FGF14: variants seen among roughly 807,000 people sequenced by gnomAD.
FGF14 encodes the protein fibroblast growth factor 14, also known as fibroblast growth factor homologous factor 4.
Under a neutral mutation model 25.5 loss-of-function variants are expected in FGF14, and 5 were observed. The observed-to-expected ratio is 0.20, with a 90% CI of 0.10 to 0.41. The LOEUF is 0.41. Ranked by LOEUF, FGF14 falls within the 10% of genes least tolerant of loss-of-function variation. FGF14 has a pLI of 1.00. For synonymous variants in FGF14, 138 were observed against 118.3 expected, an observed-to-expected ratio of 1.17 and a Z score of -1.08; for missense variants, 222 against 320.1, an observed-to-expected ratio of 0.69 and a Z score of 2.34.
intron 1 of FGF14, among the ~76,000 whole-genome samples, chr13:102,069,024 T>C (rs2043036168): frequency 6.6e-6 from 1 of 152,034 alleles, no homozygotes; most frequent in Non-Finnish European, 1.5e-5. Flanking sequence ...TCAAGGTTTG[T>C]AGTGCACCAA....
intron 1 of FGF14, among the ~76,000 whole-genome samples, chr13:102,360,750 A>C (rs1361918691): frequency 6.6e-6 from 1 of 152,148 alleles, no homozygotes; most frequent in Admixed American, 6.6e-5. Context: ...GTCTGAGAAC[A>C]CTTCTTAGAT....
chr13:102,277,608 G>A (rs1053364836), intron 1 of FGF14, among the ~76,000 whole-genome samples: 1 of 152,198 alleles, frequency 6.6e-6, no homozygotes, highest in Non-Finnish European at 1.5e-5. Context: ...CCATTACCCC[G>A]CTGGACAGCA....
At chr13:102,066,175 A>C (rs1202687586) in intron 1 of FGF14, among the ~76,000 whole-genome samples, 1 of 152,140 alleles carries the variant, frequency 6.6e-6, no homozygotes, top group African/African-American at 2.4e-5. Context: ...ATCCATACCA[A>C]TTATTATAGT....
intron 1 of FGF14, among the ~76,000 whole-genome samples, chr13:102,227,374 C>T (rs1537930): frequency 0.82 from 124,724 of 152,076 alleles, 51,763 homozygotes; most frequent in African/African-American, 0.95. Flanking sequence ...CTCTTCCAGT[C>T]AAAATTAATG....
chr13:101,973,119 C>CATTTTTTTTTTTTTTTTT (rs77590228), intron 1 of FGF14, among the ~76,000 whole-genome samples: 2 of 127,508 alleles, frequency 1.6e-5, no homozygotes. Context: ...AAGTGTGCTT[C>CATTTTTTTTTTTTTTTTT]TTTTTTTTTT....
At chr13:101,876,425 C>T (rs888117802) in intron 1 of FGF14, among the ~76,000 whole-genome samples, 1 of 152,076 alleles carries the variant, frequency 6.6e-6, no homozygotes, top group Non-Finnish European at 1.5e-5. Flanking sequence ...TGTGGTCTTG[C>T]AAATAGGTGA....
intron 3 of FGF14, among the ~76,000 whole-genome samples, chr13:101,812,191 A>G (rs1485135548): frequency 6.6e-6 from 1 of 152,184 alleles, no homozygotes; most frequent in Non-Finnish European, 1.5e-5. Context: ...AGCATTCTAA[A>G]TTATTTAAAG....
upstream of FGF14, among the ~76,000 whole-genome samples, chr13:101,917,871 G>T (rs571504437): frequency 2.6e-5 from 4 of 152,290 alleles, no homozygotes; most frequent in South Asian, 6.2e-4. Context: ...AGCTGCTACA[G>T]AACAGCAGCT....
intron 1 of FGF14, among the ~76,000 whole-genome samples, chr13:102,322,915 A>C (rs542485709): frequency 6.6e-6 from 1 of 152,284 alleles, no homozygotes; most frequent in Admixed American, 6.5e-5. Flanking sequence ...TGATATTGAA[A>C]ACAAAACAAA....
chr13:102,018,383 C>G (rs530336705), intron 1 of FGF14, among the ~76,000 whole-genome samples: 10 of 152,202 alleles, frequency 6.6e-5, no homozygotes, highest in Admixed American at 5.9e-4. Context: ...AGGGAGGTAG[C>G]TTTACCTTTC....
Position 102,097,717 on chromosome 13 carries a change from C to T in FGF14, c.209-222421G>A, listed in dbSNP as rs942426515. ...TTTTCCATTTTCAAATTGCCAACCT[C>T]GCCCCCTTCACACACAGGAAAATTG... On this transcript the variant is annotated intron_variant, in intron 1 of 4. Coordinates refer to the FGF14 transcript ENST00000376131. 3.9e-5 allele frequency among the ~76,000 whole-genome samples: 6 copies of T among 152,164 alleles called. No individual in the cohort carries two copies. The South Asian group carries it at 8.3e-4, about 21-fold the overall frequency.
chr13:101,800,667 G>T (rs1003127818), intron 3 of FGF14, among the ~76,000 whole-genome samples: 1 of 152,056 alleles, frequency 6.6e-6, no homozygotes, highest in African/African-American at 2.4e-5. Context: ...CTTTTGATTG[G>T]CATATTTTGT....
At chr13:101,969,518 T>C (rs2037465306) in intron 1 of FGF14, among the ~76,000 whole-genome samples, 1 of 152,218 alleles carries the variant, frequency 6.6e-6, no homozygotes, top group South Asian at 2.1e-4. Context: ...TATATTTCAA[T>C]CTGGTGAAGG....
intron 1 of FGF14, among the ~76,000 whole-genome samples, chr13:101,938,718 C>T (rs2035260281): frequency 6.6e-6 from 1 of 152,180 alleles, no homozygotes; most frequent in Admixed American, 6.5e-5. Flanking sequence ...GTGTATGTCT[C>T]TCCCTCACCA....
At chr13:101,868,931 C>A in intron 2 of FGF14, 103 bp from the exon 3 acceptor site, 1 of 785,336 alleles carries the variant, frequency 1.3e-6, no homozygotes, top group Non-Finnish European at 2.2e-6. Context: ...TCATCTTTGC[C>A]AATACTTTCT....
intron 1 of FGF14, among the ~76,000 whole-genome samples, chr13:102,096,016 T>TAA (rs1555356817): frequency 2.0e-4 from 30 of 147,132 alleles, no homozygotes; most frequent in African/African-American, 7.1e-4. Context: ...TATATATATA[T>TAA]AATATATTTC....
chr13:102,269,538 T>G (rs1682194214), intron 1 of FGF14, among the ~76,000 whole-genome samples: 2 of 152,182 alleles, frequency 1.3e-5, no homozygotes, highest in Admixed American at 6.5e-5. Flanking sequence ...TTATTTTATT[T>G]TGTATTTTAT....
At chr13:102,012,750 G>A (rs2040146419) in intron 1 of FGF14, among the ~76,000 whole-genome samples, 1 of 152,168 alleles carries the variant, frequency 6.6e-6, no homozygotes, top group South Asian at 2.1e-4. Flanking sequence ...TGGGGCTTGT[G>A]AGGATAGAGA....
At chr13:102,171,948 C>CA (rs889567357) in intron 1 of FGF14, among the ~76,000 whole-genome samples, 37 of 148,964 alleles carry the variant, frequency 2.5e-4, no homozygotes, top group Non-Finnish European at 4.9e-4. Context: ...AGAAATTTTG[C>CA]AAAAAAAGAT....
Sources: gnomAD v4.1 joint callset for allele counts (sites outside exome capture counted in the v4.1 genomes callset) on GRCh38, gnomAD v4.1.1 for gene constraint, MANE v1.5 for transcripts, NCBI Gene and HGNC (gene_info 2026-07-23, HGNC 2026-07-21) for gene names.